The following RBFOX1 variants were observed in gnomAD, a reference collection of about 807,000 sequenced individuals.
RBFOX1 encodes the protein RNA binding protein fox-1 homolog 1.
In RBFOX1, 8 loss-of-function variants were observed where a neutral mutation model predicts 57.7. The ratio of observed to expected loss-of-function variants is 0.14; its 90% CI spans 0.08 to 0.25. The LOEUF (loss-of-function observed/expected upper bound fraction) is 0.25. Among genes scored for constraint, RBFOX1 ranks in the 10% least tolerant of loss-of-function variants. RBFOX1 has a pLI of 1.00. For missense variants in RBFOX1, 611 were observed against 548.5 expected, an observed-to-expected ratio of 1.11 and a Z score of -1.14; for synonymous variants, 326 against 222.4, an observed-to-expected ratio of 1.47 and a Z score of -4.15.
intron 2 of RBFOX1, among the ~76,000 whole-genome samples, chr16:6,598,492 G>A (rs1283158906): frequency 6.6e-6 from 1 of 152,170 alleles, no homozygotes; most frequent in Non-Finnish European, 1.5e-5. Flanking sequence ...AGAAAATAAA[G>A]AGGACGTCAG....
At chr16:7,197,732 C>G (rs1433673974) in intron 4 of RBFOX1, among the ~76,000 whole-genome samples, 1 of 152,094 alleles carries the variant, frequency 6.6e-6, no homozygotes, top group South Asian at 2.1e-4. Flanking sequence ...TGTAGTAGAA[C>G]GTTATTCAAC....
chr16:7,267,084 C>A (rs2095172316), intron 4 of RBFOX1, among the ~76,000 whole-genome samples: 2 of 152,120 alleles, frequency 1.3e-5, no homozygotes, highest in South Asian at 2.1e-4. Flanking sequence ...GACAGTAGCT[C>A]CCACTGTGGA....
At chr16:5,953,762 C>T (rs2059568586) in intron 4 of RBFOX1, among the ~76,000 whole-genome samples, 2 of 151,170 alleles carry the variant, frequency 1.3e-5, no homozygotes, top group South Asian at 2.1e-4. Context: ...GATTGATGGA[C>T]ATTTGAGTTG....
At chr16:6,595,999 G>GT (rs78976874) in intron 2 of RBFOX1, among the ~76,000 whole-genome samples, 12,203 of 151,950 alleles carry the variant, frequency 0.08, 900 homozygotes, top group East Asian at 0.4. Flanking sequence ...TAAGTTGTAT[G>GT]TAAGGGTTCT....
chr16:6,195,109 G>C (rs2097171219), intron 1 of RBFOX1, among the ~76,000 whole-genome samples: 1 of 152,162 alleles, frequency 6.6e-6, no homozygotes, highest in Non-Finnish European at 1.5e-5. Context: ...GCAAAATGCT[G>C]ATGTAAAATA....
At chr16:7,705,014 A>C (rs894612204) in intron 14 of RBFOX1, among the ~76,000 whole-genome samples, 1 of 148,982 alleles carries the variant, frequency 6.7e-6, no homozygotes, top group African/African-American at 2.5e-5. Context: ...ACTGCACTCC[A>C]GCCGAGGTGA....
chr16:6,506,620 G>C (rs2096099197), intron 2 of RBFOX1, among the ~76,000 whole-genome samples: 1 of 131,164 alleles, frequency 7.6e-6, no homozygotes, highest in East Asian at 2.3e-4. Context: ...AATCACAGTA[G>C]CTAATTTTTT....
intron 3 of RBFOX1, among the ~76,000 whole-genome samples, chr16:6,680,152 T>C (rs1004425417): frequency 3.9e-5 from 6 of 152,136 alleles, no homozygotes; most frequent in African/African-American, 1.4e-4. Context: ...AGGGTTGTGT[T>C]TGGGAATGAG....
chr16:5,334,780 C>T (rs1272893260), intron 1 of RBFOX1, among the ~76,000 whole-genome samples: 1 of 151,364 alleles, frequency 6.6e-6, no homozygotes, highest in Non-Finnish European at 1.5e-5. Context: ...AGATGGCCAA[C>T]CGTGGTCATT....
chr16:5,406,551 T>C (rs1355512550), intron 1 of RBFOX1, among the ~76,000 whole-genome samples: 1 of 152,102 alleles, frequency 6.6e-6, no homozygotes, highest in Non-Finnish European at 1.5e-5. Flanking sequence ...AATCTCTCCC[T>C]CTCTCTGTGT....
At chr16:5,884,027 T>G (rs28600157) in intron 4 of RBFOX1, among the ~76,000 whole-genome samples, 1 of 152,178 alleles carries the variant, frequency 6.6e-6, no homozygotes, top group Non-Finnish European at 1.5e-5. Flanking sequence ...TGTGACTTAG[T>G]GTACCACTTC....
intron 4 of RBFOX1, among the ~76,000 whole-genome samples, chr16:7,396,294 C>A (rs1302947918): frequency 6.6e-6 from 1 of 152,182 alleles, no homozygotes. Flanking sequence ...AGATGACACT[C>A]ACAAACTGTG....
chr16:5,505,972 A>G (rs1366915892), intron 2 of RBFOX1, among the ~76,000 whole-genome samples: 1 of 151,958 alleles, frequency 6.6e-6, no homozygotes, highest in African/African-American at 2.4e-5. Flanking sequence ...TCCCGCATTG[A>G]CCCAGATTGT....
At chr16:7,125,976 G>A (rs749012558) in intron 4 of RBFOX1, among the ~76,000 whole-genome samples, 29 of 152,234 alleles carry the variant, frequency 1.9e-4, no homozygotes, top group Non-Finnish European at 3.5e-4. Flanking sequence ...CCAGCTGCTC[G>A]GGAGGCTGAG....
intron 4 of RBFOX1, among the ~76,000 whole-genome samples, chr16:7,494,138 T>A (rs1008158183): frequency 2.0e-5 from 3 of 152,228 alleles, no homozygotes; most frequent in African/African-American, 7.2e-5. Context: ...TGAGAAGAGA[T>A]AATTCACATG....
chr16:6,255,212 T>G (rs752005399), intron 1 of RBFOX1, among the ~76,000 whole-genome samples: 12 of 152,152 alleles, frequency 7.9e-5, no homozygotes, highest in Admixed American at 2.0e-4. Context: ...CCATTTGCTT[T>G]GACTTCTACC....
At chr16:6,466,546 A>T (rs894371598) in intron 2 of RBFOX1, among the ~76,000 whole-genome samples, 42 of 152,278 alleles carry the variant, frequency 2.8e-4, no homozygotes, top group African/African-American at 9.4e-4. Context: ...ATTCAATCTG[A>T]TGCTTGCTGG....
At chr16:7,318,976 T>C (rs2096494569) in intron 4 of RBFOX1, among the ~76,000 whole-genome samples, 1 of 152,020 alleles carries the variant, frequency 6.6e-6, no homozygotes, top group Non-Finnish European at 1.5e-5. Context: ...CCAGTGGGAG[T>C]ATGGGAACAT....
chr16:6,528,797 G>T lies in RBFOX1; in HGVS notation c.-63-125806G>T, dbSNP rs562647759. On this transcript the variant is annotated intron_variant, in intron 2 of 15. Coordinates refer to ENST00000550418, the MANE Select transcript of RBFOX1 (RefSeq NM_018723.4). ...AGCAGCACCTTGCTTCAACCCACTA[G>T]GTGACAGTAGCATTCCACACCCCAC... Among the ~76,000 whole-genome samples the T allele has an allele frequency of 3.3e-5, 5 of 152,242 alleles. No individual in the cohort carries two copies. The East Asian group carries it at 7.7e-4, about 24-fold the overall frequency.
Sources: gnomAD v4.1 joint callset for allele counts (sites outside exome capture counted in the v4.1 genomes callset) on GRCh38, gnomAD v4.1.1 for gene constraint, MANE v1.5 for transcripts, NCBI Gene and HGNC (gene_info 2026-07-23, HGNC 2026-07-21) for gene names.